Variants in HOXD13 observed in about 807,000 individuals in gnomAD.
HOXD13 encodes the protein homeobox D13.
Under a neutral mutation model 27.3 loss-of-function variants are expected in HOXD13, and 16 were observed. The observed-to-expected ratio is 0.59, with a 90% confidence interval of 0.40 to 0.89. HOXD13 has a LOEUF of 0.89. Ranked by LOEUF, HOXD13 falls within the 40% of genes least tolerant of loss-of-function variation. The probability of loss-of-function intolerance (pLI) is 0.00; values close to 1 mark genes in which losing one functional copy is unlikely to be tolerated. For missense variants in HOXD13, 481 were observed against 482.6 expected (o/e 1.00, Z 0.03); for synonymous variants, 241 against 219.0 (o/e 1.10, Z -0.89).
upstream of HOXD13, among the ~76,000 whole-genome samples, chr2:176,089,437 T>G (rs1689290379): frequency 6.6e-6 from 1 of 152,228 alleles, no homozygotes; most frequent in Non-Finnish European, 1.5e-5. Context: ...TTCCTGATCT[T>G]GGCCATCAAG....
chr2:176,092,697 A>C (rs972713448), upstream of HOXD13, among the ~76,000 whole-genome samples: 4 of 151,990 alleles, frequency 2.6e-5, no homozygotes, highest in Non-Finnish European at 5.9e-5. Context: ...TCGTTTTTAT[A>C]AACGTCCCGC....
At chr2:176,092,114 G>T (rs1279715013), upstream of HOXD13, among the ~76,000 whole-genome samples, 1 of 152,216 alleles carries the variant, frequency 6.6e-6, no homozygotes, top group African/African-American at 2.4e-5. Context: ...AACGGACAGC[G>T]TGTGTGTATA....
At position 176,092,979 on chromosome 2, in the gene HOXD13, C is replaced by CGGT; in HGVS notation, c.92_94dup (p.Val31dup). ...GCCCCGGCCTCTTCCTCCTCCTCAT[C>CGGT]GGTGGCGGCGGCGGCGGCGTCAGGC... On this transcript the variant is annotated inframe_insertion, in exon 1 of 2. Transcript: ENST00000392539. 7.4e-7 allele frequency: 1 copy of CGGT among 1,349,186 alleles called. No homozygotes were observed. Among genetic ancestry groups the CGGT allele is most frequent in the African/African-American group, 1.5e-5 (1 of 65,096 alleles). The allele number at this position is 1,349,186 out of a possible 1,614,324, so 83.6% of individuals were successfully genotyped here. A position where few individuals can be genotyped will look rare whatever the true frequency, so the allele number is the denominator to read the frequency against.
At chr2:176,091,606 T>C (rs1253971604), upstream of HOXD13, among the ~76,000 whole-genome samples, 1 of 152,144 alleles carries the variant, frequency 6.6e-6, no homozygotes, top group African/African-American at 2.4e-5. Flanking sequence ...ACCTAACCCC[T>C]TGAAGTCAGA....
chr2:176,087,586 T>C, the HOXD13 span, among the ~76,000 whole-genome samples: 1 of 152,190 alleles, frequency 6.6e-6, no homozygotes, highest in Admixed American at 6.5e-5. Flanking sequence ...ATACCCAAAC[T>C]TGCACGTCTC....
In HOXD13 at chr2:176,094,374, C is replaced by A. The variant is rs192660699; in HGVS notation, c.782-106C>A. 8.3e-6 allele frequency: 11 copies of A among 1,327,076 alleles called. No homozygotes were observed. In the Admixed American group the frequency reaches 1.4e-4, roughly 17 times the overall value. 82.2% of individuals were successfully genotyped at this position (1,327,076 alleles called of 1,614,324 possible). On this transcript the variant is annotated intron_variant, in intron 1 of 1. Coordinates refer to ENST00000392539, the MANE Select transcript of HOXD13 (RefSeq NM_000523.4). ...TGGCATTTTTTAAAAATTTCCTGCA[C>A]CCCTGCAAACGCACACACACACACA...
chr2:176,093,114 C>G lies in HOXD13; in HGVS notation c.224C>G (p.Ala75Gly). 1 of 1,573,544 alleles carries G rather than the reference C, an allele frequency of 6.4e-7. No individual in the cohort carries two copies. Among genetic ancestry groups the G allele is most frequent in the Non-Finnish European group, 8.6e-7 (1 of 1,166,586 alleles). ...GCGGCGGCGGCAGCCTCCGGCTTTG[C>G]GTACCCCGGGACCTCTGAGCGCACG... is the stretch of plus-strand genomic sequence containing the variant. The part of the protein sequence containing the change: ...AAAAAAASGF[A>G]YPGTSERTGS... The change falls in exon 1 of 2, where the codon GCG (alanine) becomes GGG (glycine). Residue 75 changes from alanine (A) to glycine (G), a missense_variant. Ala to Gly is a moderately conservative substitution (Grantham distance 60). Transcript: ENST00000392539.
In HOXD13 at chr2:176,094,780, A is replaced by T; in HGVS notation, c.*50A>T. The T allele has an allele frequency of 1.3e-6, 2 of 1,565,150 alleles. No individual in the cohort carries two copies. The highest frequency in any genetic ancestry group is 1.7e-5 in the Admixed American group (1 of 59,920). On this transcript the variant is annotated 3_prime_UTR_variant, in exon 2 of 2. Coordinates refer to ENST00000392539, the MANE Select transcript of HOXD13 (RefSeq NM_000523.4). ...GCTTAGAAGCCATTCGGTTGTCTCC[A>T]AAAGGCCTTTGGAAAGACTTGAATA...
At chr2:176,093,778 T>G in intron 1 of HOXD13, 107 bp downstream of exon 1, 2 of 724,982 alleles carry the variant, frequency 2.8e-6, no homozygotes, top group Non-Finnish European at 4.6e-6. Context: ...GTTGTGCCTG[T>G]GCTCCACACG....
upstream of HOXD13, among the ~76,000 whole-genome samples, chr2:176,089,426 C>G (rs1689290263): frequency 6.6e-6 from 1 of 152,362 alleles, no homozygotes; most frequent in South Asian, 2.1e-4. Context: ...GTGTCCTGCA[C>G]TTCCTGATCT....
rs1409930133 is a variant in HOXD13, at chr2:176,093,497, G to A, written c.607G>A (p.Val203Met). Residue 203 changes from valine (V) to methionine (M), a missense_variant, in exon 1 of 2, where the codon GTG (valine) becomes ATG (methionine). Physicochemically the swap from Val to Met is conservative, Grantham distance 21 (BLOSUM62 1). Transcript: ENST00000392539. ...GGGCTATACGAGCCCTTACCAGCACGTGCCCGGCTATATCGACATGGTGTC... is the reference window on the plus strand; with the variant it reads ...GGGCTATACGAGCCCTTACCAGCACATGCCCGGCTATATCGACATGGTGTC... ...YQGYTSPYQH[V>M]PGYIDMVSTF... The A allele has an allele frequency of 2.5e-6, 4 of 1,614,068 alleles. No homozygotes were observed. The highest frequency in any genetic ancestry group is 1.7e-5 in the Admixed American group (1 of 60,034).
At chr2:176,089,806 G>A (rs1052778428), upstream of HOXD13, among the ~76,000 whole-genome samples, 4 of 152,262 alleles carry the variant, frequency 2.6e-5, no homozygotes, top group Non-Finnish European at 2.9e-5. Flanking sequence ...CAGGAACAGC[G>A]GCAAAACTGG....
Position 176,094,676 on chromosome 2 carries a change from C to A in HOXD13, c.978C>A (p.Asn326Lys), listed in dbSNP as rs1457102355. The part of the protein sequence containing the change: ...SERQVTIWFQ[N>K]RRVKDKKIVS... ...GACAAGTGACCATTTGGTTTCAGAA[C>A]CGAAGAGTGAAGGACAAGAAAATTG... The change falls in exon 2 of 2, where the codon AAC becomes AAA. Residue 326 changes from asparagine to lysine, a missense_variant. Physicochemically the swap from Asn to Lys is moderately conservative, Grantham distance 94 (BLOSUM62 0). Coordinates refer to ENST00000392539, the MANE Select transcript of HOXD13 (RefSeq NM_000523.4). The A allele has an allele frequency of 6.2e-7, 1 of 1,613,838 alleles. No homozygotes were observed.
Position 176,094,827 on chromosome 2 carries a change from C to T in HOXD13, c.*97C>T, listed in dbSNP as rs1017490101. 6 of 1,125,352 alleles carry T rather than the reference C, an allele frequency of 5.3e-6. No individual in the cohort carries two copies. In the African/African-American group the frequency reaches 9.2e-5, roughly 17 times the overall value. 69.7% of individuals were successfully genotyped at this position (1,125,352 alleles called of 1,614,324 possible). A position where few individuals can be genotyped will look rare whatever the true frequency, so the allele number is the denominator to read the frequency against. Reference sequence around the variant, plus strand: ...AATATGTATTTAATTCCCCCCACCCCCTGCCAATGGTGGCAAATTTTGTGA... The same window carrying T: ...AATATGTATTTAATTCCCCCCACCCTCTGCCAATGGTGGCAAATTTTGTGA... On this transcript the variant is annotated 3_prime_UTR_variant, in exon 2 of 2. Coordinates refer to ENST00000392539, the MANE Select transcript of HOXD13 (RefSeq NM_000523.4).
Position 176,093,069 on chromosome 2 carries a change from C to A in HOXD13, c.179C>A (p.Ala60Glu). ...AGTHSGRAAAAAAAAAAAAAA... is the reference protein window; with the variant it reads ...AGTHSGRAAAEAAAAAAAAAA... The stretch of plus-strand genomic sequence containing the variant: ...ACGCATTCGGGGCGGGCGGCGGCGG[C>A]GGCAGCGGCGGCTGCGGCGGCGGCG... The change falls in exon 1 of 2, where the codon GCG (alanine) becomes GAG (glutamate). Residue 60 changes from alanine to glutamate, a missense_variant. By Grantham distance (107) the Ala-to-Glu change is moderately radical (BLOSUM62 -1). Coordinates refer to ENST00000392539, the MANE Select transcript of HOXD13 (RefSeq NM_000523.4). The A allele has an allele frequency of 7.3e-7, 1 of 1,370,400 alleles. No individual in the cohort carries two copies. Among genetic ancestry groups the A allele is most frequent in the Non-Finnish European group, 9.4e-7 (1 of 1,068,266 alleles). The allele number at this position is 1,370,400 out of a possible 1,614,324, so 84.9% of individuals were successfully genotyped here. A position where few individuals can be genotyped will look rare whatever the true frequency, so the allele number is the denominator to read the frequency against.
rs923169946 is a variant in HOXD13, at chr2:176,095,258, A to C, written c.*528A>C. The C allele has an allele frequency of 8.7e-6, 2 of 229,900 alleles. No homozygotes were observed. Among genetic ancestry groups the C allele is most frequent in the African/African-American group, 4.5e-5 (2 of 44,918 alleles). The allele number at this position is 229,900 out of a possible 1,614,324, so 14.2% of individuals were successfully genotyped here. On this transcript the variant is annotated 3_prime_UTR_variant, in exon 2 of 2. Transcript: ENST00000392539. ...AGGCAGTGCTCTGGGGTCACCGAGA[A>C]AGTCTAAAAACAGGAGGCTGAAGGT...
At chr2:176,091,312 G>A (rs1195756923), upstream of HOXD13, among the ~76,000 whole-genome samples, 2 of 152,130 alleles carry the variant, frequency 1.3e-5, no homozygotes, top group Non-Finnish European at 2.9e-5. Flanking sequence ...GGGCTGGCTT[G>A]GGGAGTGCAT....
At chr2:176,092,590 C>T (rs937266928), upstream of HOXD13, among the ~76,000 whole-genome samples, 18 of 152,218 alleles carry the variant, frequency 1.2e-4, no homozygotes, top group Admixed American at 9.1e-4. Flanking sequence ...TTCCTACCCC[C>T]ACGTGGCCGC....
Position 176,094,628 on chromosome 2 carries a change from G to A in HOXD13, c.930G>A (p.Ser310=), listed in dbSNP as rs778129623. ...ACAAGGACAAGCGGCGGCGTATCTCGGCTGCTACGAACCTATCTGAGAGAC... is the reference window on the plus strand; with the variant it reads ...ACAAGGACAAGCGGCGGCGTATCTCAGCTGCTACGAACCTATCTGAGAGAC... ...FINKDKRRRI[S]AATNLSERQV... The change falls in exon 2 of 2, where the codon TCG becomes TCA. Residue 310 remains serine, a synonymous_variant. Coordinates refer to ENST00000392539, the MANE Select transcript of HOXD13 (RefSeq NM_000523.4). 6.2e-6 allele frequency: 10 copies of A among 1,613,896 alleles called. No individual in the cohort carries two copies. The highest frequency in any genetic ancestry group is 7.6e-6 in the Non-Finnish European group (9 of 1,179,934).
Sources: gnomAD v4.1 joint callset for allele counts (sites outside exome capture counted in the v4.1 genomes callset) on GRCh38, gnomAD v4.1.1 for gene constraint, MANE v1.5 for transcripts, NCBI Gene and HGNC (gene_info 2026-07-23, HGNC 2026-07-21) for gene names.